Variants in BTG4 observed in about 807,000 individuals in gnomAD.
BTG4 encodes the protein protein BTG4.
Under a neutral mutation model 19.3 loss-of-function variants are expected in BTG4, and 10 were observed. The observed-to-expected ratio is 0.52, with a 90% CI of 0.32 to 0.88. The LOEUF (loss-of-function observed/expected upper bound fraction) is 0.88. Ranked by LOEUF, BTG4 falls within the 40% of genes least tolerant of loss-of-function variation. BTG4 has a pLI of 0.04. For missense variants in BTG4, 238 were observed against 281.9 expected, an observed-to-expected ratio of 0.84 and a Z score of 1.11; for synonymous variants, 91 against 95.7, an observed-to-expected ratio of 0.95 and a Z score of 0.29.
At chr11:111,409,446 C>T in the BTG4 span, among the ~76,000 whole-genome samples, 1 of 152,114 alleles carries the variant, frequency 6.6e-6, no homozygotes, top group Non-Finnish European at 1.5e-5. Flanking sequence ...GGATTAGTTC[C>T]CATGAGAGTG....
chr11:111,497,802 A>ATTT (rs1295446690), intron 3 of BTG4, among the ~76,000 whole-genome samples, 196 bp downstream of exon 3: 1 of 152,214 alleles, frequency 6.6e-6, no homozygotes, highest in Non-Finnish European at 1.5e-5. Flanking sequence ...TTGCAAAATC[A>ATTT]TTGTGCTTTC....
chr11:111,453,680 A>C, the BTG4 span: 1 of 364,712 alleles, frequency 2.7e-6, no homozygotes, highest in Non-Finnish European at 5.5e-6. Flanking sequence ...CTCAATTCTC[A>C]ATTCCTCTTC....
At chr11:111,398,087 A>G in the BTG4 span, 1 of 152,212 alleles carries the variant, frequency 6.6e-6, no homozygotes, top group Non-Finnish European at 1.5e-5. Context: ...GACCACCATC[A>G]CCACTACTAA....
upstream of BTG4, chr11:111,514,537 C>T: frequency 3.7e-6 from 2 of 542,108 alleles, no homozygotes; most frequent in Admixed American, 3.1e-5. Flanking sequence ...CCACTGACTC[C>T]GACAGGACAC....
At chr11:111,500,259 G>A (rs1865985973) in intron 1 of BTG4, among the ~76,000 whole-genome samples, 1 of 152,188 alleles carries the variant, frequency 6.6e-6, no homozygotes, top group Non-Finnish European at 1.5e-5. Flanking sequence ...AGTTCCCCCA[G>A]GTGATTCTAA....
the BTG4 span, among the ~76,000 whole-genome samples, chr11:111,401,399 G>A: frequency 4.6e-5 from 7 of 151,806 alleles, no homozygotes; most frequent in Admixed American, 6.6e-5. Flanking sequence ...GGAGAATGGC[G>A]TGAACCCAGG....
the BTG4 span, among the ~76,000 whole-genome samples, chr11:111,433,406 A>T: frequency 1.3e-5 from 2 of 152,212 alleles, no homozygotes; most frequent in African/African-American, 2.4e-5. Context: ...AATTAACTCA[A>T]GATGGATTAA....
chr11:111,391,994 T>A, the BTG4 span, among the ~76,000 whole-genome samples: 1 of 151,986 alleles, frequency 6.6e-6, no homozygotes, highest in African/African-American at 2.4e-5. Context: ...CAGTAAGCAC[T>A]CAATAAATGT....
the BTG4 span, chr11:111,452,565 C>CT: frequency 6.6e-6 from 1 of 152,242 alleles, no homozygotes; most frequent in Non-Finnish European, 1.5e-5. Context: ...TGTGCTGCTC[C>CT]TGGGGCTTTG....
intron 5 of BTG4, among the ~76,000 whole-genome samples, chr11:111,472,045 G>C (rs942422124): frequency 6.6e-6 from 1 of 152,176 alleles, no homozygotes; most frequent in Non-Finnish European, 1.5e-5. Context: ...CTCTTGCCCG[G>C]ATTACTATAA....
At chr11:111,483,145 T>C (rs1242554685) in intron 5 of BTG4, among the ~76,000 whole-genome samples, 1 of 152,096 alleles carries the variant, frequency 6.6e-6, no homozygotes, top group East Asian at 1.9e-4. Context: ...CCAGCAGAAA[T>C]TGCAGCATTC....
At chr11:111,499,802 G>A (rs958574246) in intron 1 of BTG4, among the ~76,000 whole-genome samples, 4 of 152,084 alleles carry the variant, frequency 2.6e-5, no homozygotes, top group East Asian at 1.9e-4. Context: ...CTCAAAGGGC[G>A]GGTCAGTGAC....
the BTG4 span, chr11:111,450,415 T>A: frequency 6.6e-6 from 1 of 152,590 alleles, no homozygotes; most frequent in Non-Finnish European, 1.5e-5. Flanking sequence ...AGGGCAGAAG[T>A]CTGTCCCCCT....
the BTG4 span, among the ~76,000 whole-genome samples, chr11:111,398,463 T>G: frequency 6.6e-6 from 1 of 150,682 alleles, no homozygotes. Context: ...CTTTTTTTTG[T>G]TTTTTTTTGA....
the BTG4 span, among the ~76,000 whole-genome samples, chr11:111,447,247 G>A: frequency 6.6e-6 from 1 of 152,244 alleles, no homozygotes; most frequent in South Asian, 2.1e-4. Flanking sequence ...CAGTTTTACA[G>A]TTTCCAGTTT....
At chr11:111,434,670 T>C in the BTG4 span, among the ~76,000 whole-genome samples, 1 of 151,010 alleles carries the variant, frequency 6.6e-6, no homozygotes, top group Non-Finnish European at 1.5e-5. Context: ...AATATACCCA[T>C]CTATGGTAAA....
the BTG4 span, among the ~76,000 whole-genome samples, chr11:111,405,429 A>AAAAAAAAAAAAC: frequency 7.8e-6 from 1 of 128,038 alleles, no homozygotes; most frequent in African/African-American, 2.8e-5. Context: ...AAAAAAAAAA[A>AAAAAAAAAAAAC]AAAAAAGATG....
chr11:111,477,262 C>T (rs905647580), intron 5 of BTG4, among the ~76,000 whole-genome samples: 6 of 152,056 alleles, frequency 3.9e-5, no homozygotes, highest in Non-Finnish European at 7.4e-5. Context: ...CTGCATTATG[C>T]GTTTTTATTG....
chr11:111,451,862 A>G, the BTG4 span, among the ~76,000 whole-genome samples: 1 of 152,186 alleles, frequency 6.6e-6, no homozygotes, highest in African/African-American at 2.4e-5. Context: ...CCACAATGCT[A>G]ACAGATGGTC....
Sources: allele counts gnomAD v4.1 joint callset (sites outside exome capture counted in the v4.1 genomes callset), GRCh38; gene constraint gnomAD v4.1.1; transcripts MANE v1.5; gene names NCBI Gene and HGNC (gene_info 2026-07-23, HGNC 2026-07-21).